The following CLSTN2 variants were observed in gnomAD, a reference collection of about 807,000 sequenced individuals.
CLSTN2 encodes the protein calsyntenin-2.
A neutral mutation model predicts 101.2 loss-of-function variants in CLSTN2; 48 were observed. That is an observed-to-expected ratio of 0.47 (90% CI 0.38 to 0.60). The LOEUF (loss-of-function observed/expected upper bound fraction) is 0.60, where lower values mean the gene tolerates loss of function less well. Among genes scored for constraint, CLSTN2 ranks in the 20% least tolerant of loss-of-function variants. The pLI is 0.00. For synonymous variants in CLSTN2, 481 were observed against 463.6 expected, an observed-to-expected ratio of 1.04 and a Z score of -0.48; for missense variants, 1,160 against 1,238.2, an observed-to-expected ratio of 0.94 and a Z score of 0.95.
At chr3:140,369,838 C>A (rs2087831659) in intron 2 of CLSTN2, among the ~76,000 whole-genome samples, 1 of 152,180 alleles carries the variant, frequency 6.6e-6, no homozygotes, top group African/African-American at 2.4e-5. Flanking sequence ...ACACACATGG[C>A]CCCACTATGG....
At chr3:140,416,899 C>T (rs1374004315) in intron 4 of CLSTN2, among the ~76,000 whole-genome samples, 1 of 152,234 alleles carries the variant, frequency 6.6e-6, no homozygotes, top group African/African-American at 2.4e-5. Context: ...TAGTGAATAA[C>T]AGGATTCATG....
chr3:140,408,115 T>G (rs963291135), intron 4 of CLSTN2, among the ~76,000 whole-genome samples: 24 of 152,078 alleles, frequency 1.6e-4, no homozygotes, highest in Non-Finnish European at 2.6e-4. Flanking sequence ...ATGAGAATAA[T>G]TGTGCAAAAA....
intron 1 of CLSTN2, among the ~76,000 whole-genome samples, chr3:139,966,863 C>T (rs1935609402): frequency 1.3e-5 from 2 of 152,118 alleles, no homozygotes; most frequent in African/African-American, 4.8e-5. Context: ...AGGTCCTATG[C>T]TGATGACCCA....
At chr3:140,068,650 T>A (rs1474913774) in intron 1 of CLSTN2, among the ~76,000 whole-genome samples, 1 of 152,242 alleles carries the variant, frequency 6.6e-6, no homozygotes, top group South Asian at 2.1e-4. Context: ...AGATGACCAA[T>A]TCCTGATGGA....
intron 1 of CLSTN2, among the ~76,000 whole-genome samples, chr3:140,089,092 C>T (rs1305190962): frequency 2.0e-5 from 3 of 152,156 alleles, no homozygotes; most frequent in Non-Finnish European, 4.4e-5. Context: ...GTCCCTCTTT[C>T]CTGAAGACCT....
At chr3:140,411,348 TAAAA>T (rs1221738060) in intron 4 of CLSTN2, among the ~76,000 whole-genome samples, 14 of 152,252 alleles carry the variant, frequency 9.2e-5, no homozygotes, top group African/African-American at 3.4e-4. Flanking sequence ...TATATGATAA[TAAAA>T]AAAGTAAATT....
intron 1 of CLSTN2, among the ~76,000 whole-genome samples, chr3:140,076,793 A>G (rs892598711): frequency 2.0e-5 from 3 of 151,842 alleles, no homozygotes; most frequent in Non-Finnish European, 4.4e-5. Flanking sequence ...ATTATTCTGT[A>G]TATCTTTATA....
chr3:140,266,696 C>A (rs1218206602), intron 2 of CLSTN2, among the ~76,000 whole-genome samples: 3 of 152,108 alleles, frequency 2.0e-5, no homozygotes, highest in Non-Finnish European at 4.4e-5. Flanking sequence ...GGCATTAAAC[C>A]TCAGAAAAAC....
In CLSTN2 at chr3:140,562,154, C is replaced by CT; in HGVS notation, c.2060dup (p.Leu687PhefsTer7). Reference sequence around the variant, plus strand: ...TTCCTACAGACCCCAAATCAGAAGTCTTAGAGGAAATGCTTCATAACTTAG... The same window carrying CT: ...TTCCTACAGACCCCAAATCAGAAGTCTTTAGAGGAAATGCTTCATAACTTAG... On this transcript the variant is annotated frameshift_variant, in exon 13 of 17. Transcript: ENST00000458420. LOFTEE classifies it high-confidence loss of function. 6.2e-7 allele frequency: 1 copy of CT among 1,613,998 alleles called. No individual in the cohort carries two copies. Among genetic ancestry groups the CT allele is most frequent in the Non-Finnish European group, 8.5e-7 (1 of 1,179,934 alleles).
intron 2 of CLSTN2, among the ~76,000 whole-genome samples, chr3:140,247,486 A>G (rs995715460): frequency 6.6e-6 from 1 of 152,222 alleles, no homozygotes; most frequent in Non-Finnish European, 1.5e-5. Flanking sequence ...TTGATGCCTA[A>G]AATTATCAAT....
At chr3:140,395,075 A>T (rs1240803415) in intron 2 of CLSTN2, among the ~76,000 whole-genome samples, 2 of 152,234 alleles carry the variant, frequency 1.3e-5, no homozygotes, top group African/African-American at 2.4e-5. Context: ...ATAAAAAAAG[A>T]ATCACCTTTA....
intron 2 of CLSTN2, among the ~76,000 whole-genome samples, chr3:140,314,063 G>A (rs1559836457): frequency 6.6e-6 from 1 of 152,186 alleles, no homozygotes; most frequent in Non-Finnish European, 1.5e-5. Context: ...TCTACCATTT[G>A]TAGAGCAAAC....
intron 1 of CLSTN2, among the ~76,000 whole-genome samples, chr3:139,989,284 C>T (rs1037682070): frequency 2.0e-5 from 3 of 152,204 alleles, no homozygotes; most frequent in Non-Finnish European, 4.4e-5. Context: ...ACTGCAGGGG[C>T]AGGGTACCCC....
chr3:140,284,980 T>C (rs970120014), intron 2 of CLSTN2, among the ~76,000 whole-genome samples: 6 of 152,022 alleles, frequency 3.9e-5, no homozygotes, highest in Non-Finnish European at 7.4e-5. Flanking sequence ...TGCAGGTTTA[T>C]TGCAAGAGAT....
chr3:140,546,667 G>A lies in CLSTN2; in HGVS notation c.1660G>A (p.Gly554Ser), dbSNP rs1935592521. 1 of 1,612,736 alleles carries A rather than the reference G, an allele frequency of 6.2e-7. No individual in the cohort carries two copies. The highest frequency in any genetic ancestry group is 1.7e-5 in the Admixed American group (1 of 59,952). ...GLDINSLESLGQGIKYHFNPS... is the reference protein window; with the variant it reads ...GLDINSLESLSQGIKYHFNPS... ...GGACATTAATTCCTTGGAAAGCCTT[G>A]GCCAAGGAATAAAGGTAAGGCAGGA... The change falls in exon 10 of 17, where the codon GGC (glycine) becomes AGC (serine). Residue 554 changes from glycine to serine, a missense_variant. Physicochemically the swap from Gly to Ser is moderately conservative, Grantham distance 56. Transcript: ENST00000458420.
chr3:140,442,147 G>T (rs1041793486), intron 5 of CLSTN2, among the ~76,000 whole-genome samples: 34 of 152,182 alleles, frequency 2.2e-4, no homozygotes, highest in African/African-American at 7.5e-4. Context: ...ACCCTGGAGG[G>T]ACTGTCCCTC....
chr3:140,431,472 AG>A (rs770672592), intron 5 of CLSTN2, among the ~76,000 whole-genome samples: 9 of 152,202 alleles, frequency 5.9e-5, no homozygotes, highest in Non-Finnish European at 1.2e-4. Flanking sequence ...TCCATTCAAT[AG>A]GACAGCACTG....
chr3:140,261,345 T>A (rs1475676856), intron 2 of CLSTN2, among the ~76,000 whole-genome samples: 1 of 152,204 alleles, frequency 6.6e-6, no homozygotes, highest in Non-Finnish European at 1.5e-5. Flanking sequence ...ACACTGTTGC[T>A]TAGATGGTTA....
intron 1 of CLSTN2, among the ~76,000 whole-genome samples, chr3:140,050,595 G>A (rs2107768104): frequency 6.6e-6 from 1 of 152,278 alleles, no homozygotes; most frequent in South Asian, 2.1e-4. Context: ...AAGAACAGGA[G>A]ACCAAACTGG....
Sources: gnomAD v4.1 joint callset for allele counts (sites outside exome capture counted in the v4.1 genomes callset) on GRCh38, gnomAD v4.1.1 for gene constraint, MANE v1.5 for transcripts, NCBI Gene and HGNC (gene_info 2026-07-23, HGNC 2026-07-21) for gene names.